Variants in RSF1 observed in about 807,000 individuals in gnomAD.
The protein encoded by RSF1 is remodeling and spacing factor 1.
Under a neutral mutation model 145.2 loss-of-function variants are expected in RSF1, and 13 were observed. The ratio of observed to expected loss-of-function variants is 0.09; its 90% CI spans 0.06 to 0.14. The LOEUF is 0.14. Among genes scored for constraint, RSF1 ranks in the 10% least tolerant of loss-of-function variants. The pLI, the probability that RSF1 is intolerant of heterozygous loss-of-function variation, is 1.00. For missense variants in RSF1, 1,517 were observed against 1,718.2 expected (o/e 0.88, Z 2.07); for synonymous variants, 577 against 592.6 (o/e 0.97, Z 0.38).
At chr11:77,779,707 T>C (rs1301485779) in intron 1 of RSF1, among the ~76,000 whole-genome samples, 3 of 152,192 alleles carry the variant, frequency 2.0e-5, no homozygotes, top group African/African-American at 4.8e-5. Context: ...TGCTTAAATA[T>C]ACTATTGTCT....
chr11:77,696,211 G>C (rs1237534447), intron 7 of RSF1, among the ~76,000 whole-genome samples: 1 of 151,978 alleles, frequency 6.6e-6, no homozygotes, highest in African/African-American at 2.4e-5. Context: ...ATTTCTAAAG[G>C]GAAGATTGCT....
At chr11:77,717,898 CACTT>C (rs773056783) in intron 5 of RSF1, 6 of 152,186 alleles carry the variant, frequency 3.9e-5, no homozygotes, top group African/African-American at 7.2e-5. Context: ...CATCTTGTCT[CACTT>C]ATTACCAGTA....
intron 1 of RSF1, among the ~76,000 whole-genome samples, chr11:77,773,020 T>C (rs1243123271): frequency 6.6e-6 from 1 of 152,218 alleles, no homozygotes; most frequent in Non-Finnish European, 1.5e-5. Flanking sequence ...GTTTTTGATA[T>C]TGGGTTGTTT....
At chr11:77,686,641 G>A (rs897283832) in intron 9 of RSF1, among the ~76,000 whole-genome samples, 1 of 151,868 alleles carries the variant, frequency 6.6e-6, no homozygotes, top group African/African-American at 2.4e-5. Flanking sequence ...GAATATTCAT[G>A]GTCTTTTTAG....
intron 5 of RSF1, among the ~76,000 whole-genome samples, chr11:77,715,919 A>G (rs1960796731): frequency 1.3e-5 from 2 of 152,226 alleles, no homozygotes; most frequent in South Asian, 2.1e-4. Context: ...AAAGGCGTGC[A>G]ACACCATGCT....
rs553177206 is a variant in RSF1, at chr11:77,717,166, A to C, written c.733+8379T>G. ...GTACCCCAGCATGGGCAAAAAAAAA[A>C]CAAAAACCAAAAACCAAAAAAAAAA... On this transcript the variant is annotated intron_variant, in intron 5 of 15. Coordinates refer to ENST00000308488, the MANE Select transcript of RSF1 (RefSeq NM_016578.4). Among the ~76,000 whole-genome samples the C allele has an allele frequency of 5.3e-3, 616 of 116,380 alleles. 6 individuals carry two copies. Among genetic ancestry groups the C allele is most frequent in the African/African-American group, 0.021 (577 of 26,838 alleles). The allele number at this position is 116,380 out of a possible 152,430, so 76.3% of individuals were successfully genotyped here. A position where few individuals can be genotyped will look rare whatever the true frequency, so the allele number is the denominator to read the frequency against.
At chr11:77,777,029 G>A (rs80353636) in intron 1 of RSF1, among the ~76,000 whole-genome samples, 6,683 of 151,620 alleles carry the variant, frequency 0.044, 210 homozygotes, top group Non-Finnish European at 0.067. Flanking sequence ...CAAACAAAAG[G>A]ACAGACTAGT....
intron 4 of RSF1, among the ~76,000 whole-genome samples, chr11:77,726,601 T>C (rs925002352): frequency 2.0e-5 from 3 of 152,212 alleles, no homozygotes; most frequent in Non-Finnish European, 4.4e-5. Context: ...CAGTGCATAA[T>C]GCTGAAGATA....
chr11:77,745,509 A>ATT (rs111700788), intron 3 of RSF1, among the ~76,000 whole-genome samples: 26,779 of 149,876 alleles, frequency 0.18, 2,978 homozygotes, highest in African/African-American at 0.3. Context: ...TTCCTTTTGG[A>ATT]TTTTTTTTTA....
At chr11:77,823,611 CACCCT>C (rs1949034638), upstream of RSF1, among the ~76,000 whole-genome samples, 1 of 91,384 alleles carries the variant, frequency 1.1e-5, no homozygotes, top group African/African-American at 4.7e-5. Context: ...GACAGAACTA[CACCCT>C]GTCTCAAAAA....
chr11:77,834,772 G>A, the RSF1 span, among the ~76,000 whole-genome samples: 322 of 152,236 alleles, frequency 2.1e-3, 1 homozygote, highest in African/African-American at 7.3e-3. Flanking sequence ...ATAAGTACTT[G>A]CAGAAGAATG....
the RSF1 span, chr11:77,842,388 C>A: frequency 1.7e-6 from 2 of 1,210,374 alleles, no homozygotes; most frequent in Non-Finnish European, 2.3e-6. Context: ...CTTCTTAAAT[C>A]ATGGAGAATC....
intron 1 of RSF1, among the ~76,000 whole-genome samples, chr11:77,803,831 G>C (rs1948650647): frequency 6.6e-6 from 1 of 152,110 alleles, no homozygotes; most frequent in African/African-American, 2.4e-5. Flanking sequence ...TATAATCCTA[G>C]CGCTTTGGGA....
At chr11:77,669,740 G>C (rs1442077947) in intron 15 of RSF1, among the ~76,000 whole-genome samples, 1 of 152,154 alleles carries the variant, frequency 6.6e-6, no homozygotes, top group East Asian at 1.9e-4. Context: ...GTAAGAGGCA[G>C]GCCCTATAGT....
At chr11:77,757,437 T>C (rs953543243) in intron 2 of RSF1, among the ~76,000 whole-genome samples, 3 of 152,174 alleles carry the variant, frequency 2.0e-5, no homozygotes, top group Non-Finnish European at 4.4e-5. Flanking sequence ...CCCAGCACTT[T>C]GGGAGGCCAA....
chr11:77,709,689 C>G (rs765185146), intron 5 of RSF1, among the ~76,000 whole-genome samples: 1 of 145,546 alleles, frequency 6.9e-6, no homozygotes, highest in Admixed American at 7.0e-5. Flanking sequence ...GAATTTGTGC[C>G]AATTCTTTTT....
chr11:77,820,968 C>T, upstream of RSF1: 1 of 544,768 alleles, frequency 1.8e-6, no homozygotes, highest in Non-Finnish European at 3.2e-6. Context: ...CCCTTCTCTC[C>T]TCCCCTTCGG....
At chr11:77,837,072 A>G in the RSF1 span, among the ~76,000 whole-genome samples, 13 of 152,252 alleles carry the variant, frequency 8.5e-5, no homozygotes, top group African/African-American at 3.1e-4. Flanking sequence ...TCTTCCTTCC[A>G]TAGCACCCAT....
In RSF1 at chr11:77,740,904, G is replaced by C. The variant is rs766492156; in HGVS notation, c.405C>G (p.Leu135=). 1.9e-6 allele frequency: 3 copies of C among 1,613,910 alleles called. No homozygotes were observed. In the East Asian group the frequency reaches 6.7e-5, roughly 36 times the overall value. The change falls in exon 4 of 16, where the codon CTC becomes CTG. Residue 135 remains leucine, a synonymous_variant. Coordinates refer to ENST00000308488, the MANE Select transcript of RSF1 (RefSeq NM_016578.4). ...CCTCATTAATAATATTCTTGAATTT[G>C]AGATTGTCATCAAACTGACACTCAC... ...YLCECQFDDN[L]KFKNIINEED...
Sources: allele counts gnomAD v4.1 joint callset (sites outside exome capture counted in the v4.1 genomes callset), GRCh38; gene constraint gnomAD v4.1.1; transcripts MANE v1.5; gene names NCBI Gene and HGNC (gene_info 2026-07-23, HGNC 2026-07-21).